STXBP6: variants seen among roughly 807,000 people sequenced by gnomAD.
The protein encoded by STXBP6 is syntaxin binding protein 6.
Under a neutral mutation model 26.9 loss-of-function variants are expected in STXBP6, and 21 were observed. The ratio of observed to expected loss-of-function variants is 0.78; its 90% CI spans 0.55 to 1.12. The LOEUF (loss-of-function observed/expected upper bound fraction) is 1.12, where lower values mean the gene tolerates loss of function less well. Ranked by LOEUF, STXBP6 falls within the 50% of genes most tolerant of loss-of-function variation. The pLI is 0.00. For missense variants in STXBP6, 232 were observed against 257.9 expected (o/e 0.90, Z 0.69); for synonymous variants, 97 against 92.6 (o/e 1.05, Z -0.27).
intron 2 of STXBP6, among the ~76,000 whole-genome samples, chr14:24,863,117 TGACAGGTAGTCCTG>T (rs1417787981): frequency 6.6e-6 from 1 of 152,118 alleles, no homozygotes; most frequent in Non-Finnish European, 1.5e-5. Flanking sequence ...TTCAAGTAAA[TGACAGGTAGTCCTG>T]GACTATTACA....
intron 4 of STXBP6, among the ~76,000 whole-genome samples, chr14:24,830,995 T>TA (rs1376175681): frequency 6.6e-6 from 1 of 152,124 alleles, no homozygotes; most frequent in Non-Finnish European, 1.5e-5. Flanking sequence ...CTGGGACAAC[T>TA]AACTGCATAT....
intron 2 of STXBP6, among the ~76,000 whole-genome samples, chr14:24,946,052 A>G (rs560717596): frequency 8.5e-5 from 13 of 152,222 alleles, no homozygotes; most frequent in Non-Finnish European, 1.6e-4. Context: ...CACCTAACAG[A>G]AAGCCAAGAT....
intron 2 of STXBP6, among the ~76,000 whole-genome samples, chr14:24,901,596 C>T (rs1373643599): frequency 2.6e-5 from 4 of 152,204 alleles, no homozygotes; most frequent in Non-Finnish European, 4.4e-5. Context: ...TTCATAATAA[C>T]CCAAAACTGG....
intron 1 of STXBP6, among the ~76,000 whole-genome samples, chr14:25,011,847 T>C (rs1044298761): frequency 1.3e-5 from 2 of 152,208 alleles, no homozygotes; most frequent in Non-Finnish European, 2.9e-5. Context: ...ATATGAGCCA[T>C]TAACGAATTC....
chr14:25,003,417 A>G (rs2074814275), intron 1 of STXBP6, among the ~76,000 whole-genome samples: 1 of 152,222 alleles, frequency 6.6e-6, no homozygotes, highest in African/African-American at 2.4e-5. Flanking sequence ...CTCCAGGGAA[A>G]GTTTTCAGCT....
At chr14:24,813,648 T>C (rs1054648875) in intron 5 of STXBP6, among the ~76,000 whole-genome samples, 8 of 152,126 alleles carry the variant, frequency 5.3e-5, no homozygotes, top group African/African-American at 1.4e-4. Context: ...AACAGGTGAT[T>C]CTCCGCAGGC....
intron 2 of STXBP6, among the ~76,000 whole-genome samples, chr14:24,872,981 A>G (rs1802624263): frequency 6.6e-6 from 1 of 152,236 alleles, no homozygotes; most frequent in African/African-American, 2.4e-5. Context: ...ATTTGCAAGC[A>G]AATGGTTCGT....
At chr14:24,828,238 T>C (rs2068347488) in intron 4 of STXBP6, among the ~76,000 whole-genome samples, 1 of 152,086 alleles carries the variant, frequency 6.6e-6, no homozygotes, top group South Asian at 2.1e-4. Context: ...GGGACAGTGC[T>C]AAAATGAAAA....
intron 2 of STXBP6, among the ~76,000 whole-genome samples, chr14:24,931,430 C>T (rs2072404144): frequency 6.6e-6 from 1 of 152,050 alleles, no homozygotes; most frequent in African/African-American, 2.4e-5. Flanking sequence ...TAAAAAAAAG[C>T]TAAATGTTGA....
intron 1 of STXBP6, among the ~76,000 whole-genome samples, chr14:25,032,361 G>C (rs752777107): frequency 6.6e-6 from 1 of 152,182 alleles, no homozygotes; most frequent in Non-Finnish European, 1.5e-5. Context: ...CAGCCCTGGG[G>C]TTGTGACTTG....
intron 4 of STXBP6, among the ~76,000 whole-genome samples, chr14:24,838,792 G>T (rs962369388): frequency 3.3e-5 from 5 of 152,050 alleles, no homozygotes; most frequent in African/African-American, 9.7e-5. Flanking sequence ...CTGAGGGAGA[G>T]TGAGCAAGAT....
chr14:24,867,348 A>G (rs530596184), intron 2 of STXBP6, among the ~76,000 whole-genome samples: 1 of 152,294 alleles, frequency 6.6e-6, no homozygotes, highest in African/African-American at 2.4e-5. Context: ...TGAGAAAAAA[A>G]GTCGGTGGTT....
At chr14:24,955,026 G>A (rs1443734139) in intron 2 of STXBP6, among the ~76,000 whole-genome samples, 1 of 152,190 alleles carries the variant, frequency 6.6e-6, no homozygotes, top group African/African-American at 2.4e-5. Flanking sequence ...GTTGTAGAAG[G>A]ATTAAGTAAG....
chr14:24,906,819 A>G (rs746775157), intron 2 of STXBP6, among the ~76,000 whole-genome samples: 1 of 152,204 alleles, frequency 6.6e-6, no homozygotes, highest in Non-Finnish European at 1.5e-5. Context: ...TGAGTTGTCT[A>G]CTTCACTATG....
At chr14:25,047,045 G>A (rs763539704) in intron 1 of STXBP6, among the ~76,000 whole-genome samples, 7 of 152,106 alleles carry the variant, frequency 4.6e-5, no homozygotes, top group Admixed American at 2.6e-4. Context: ...CTGTCCATTC[G>A]GAAAAGACAC....
intron 1 of STXBP6, among the ~76,000 whole-genome samples, chr14:25,047,253 C>T (rs992419301): frequency 2.0e-5 from 3 of 152,136 alleles, no homozygotes; most frequent in African/African-American, 7.2e-5. Flanking sequence ...TGATCTAAAA[C>T]CTGAGACTAC....
chr14:24,954,483 T>C (rs1259665241), intron 2 of STXBP6, among the ~76,000 whole-genome samples: 4 of 152,214 alleles, frequency 2.6e-5, no homozygotes, highest in African/African-American at 4.8e-5. Flanking sequence ...CTTCCACCTA[T>C]ACAGCGGAAT....
intron 4 of STXBP6, among the ~76,000 whole-genome samples, chr14:24,846,555 G>C (rs1246118098): frequency 2.6e-5 from 4 of 152,096 alleles, no homozygotes. Flanking sequence ...GTCCATAAAG[G>C]TTGCCAGATA....
rs2074000399 is a variant in STXBP6, at chr14:24,974,797, T to C, written c.22A>G (p.Ser8Gly). 2 of 1,609,136 alleles carry C rather than the reference T, an allele frequency of 1.2e-6. No individual in the cohort carries two copies. The highest frequency in any genetic ancestry group is 2.2e-5 in the South Asian group (2 of 89,792). ...TCAAGAGGTGCAAAAATTTCCTTGC[T>C]GATAGCAGATTTGGCACTCATTGTA... MSAKSAISKEIFAPLDER... is the reference protein window; with the variant it reads MSAKSAIGKEIFAPLDER... Residue 8 changes from serine to glycine, a missense_variant, in exon 2 of 6, where the codon AGC becomes GGC. Transcript: ENST00000323944.
Sources: gnomAD v4.1 joint callset for allele counts (sites outside exome capture counted in the v4.1 genomes callset) on GRCh38, gnomAD v4.1.1 for gene constraint, MANE v1.5 for transcripts, NCBI Gene and HGNC (gene_info 2026-07-23, HGNC 2026-07-21) for gene names.